The following FAT4 variants were observed in gnomAD, a reference collection of about 807,000 sequenced individuals.
The protein encoded by FAT4 is protocadherin Fat 4.
Under a neutral mutation model 303.9 loss-of-function variants are expected in FAT4, and 84 were observed. The observed-to-expected ratio is 0.28, with a 90% CI of 0.23 to 0.33. The LOEUF (loss-of-function observed/expected upper bound fraction) is 0.33, where lower values mean the gene tolerates loss of function less well. FAT4 is among the 10% of genes least tolerant of loss of function. The pLI, the probability that FAT4 is intolerant of heterozygous loss-of-function variation, is 1.00. For synonymous variants in FAT4, 2,307 were observed against 2,298.8 expected, an observed-to-expected ratio of 1.00 and a Z score of -0.10; for missense variants, 6,005 against 6,146.8, an observed-to-expected ratio of 0.98 and a Z score of 0.77.
intron 3 of FAT4, among the ~76,000 whole-genome samples, chr4:125,400,382 G>C (rs965398713): frequency 2.0e-5 from 3 of 151,942 alleles, no homozygotes; most frequent in African/African-American, 4.8e-5. Flanking sequence ...TTATTTCAGA[G>C]ATTCCAACAC....
At chr4:125,422,631 T>G (rs1724946256) in intron 7 of FAT4, among the ~76,000 whole-genome samples, 1 of 152,190 alleles carries the variant, frequency 6.6e-6, no homozygotes, top group Non-Finnish European at 1.5e-5. Flanking sequence ...GTGGGTCAAT[T>G]AAACCTCTTT....
rs897405265 is a variant in FAT4 at position 125,468,713 on chromosome 4, G to C, written c.12107G>C (p.Arg4036Thr). 6.8e-6 allele frequency: 11 copies of C among 1,613,974 alleles called. No homozygotes were observed. Among genetic ancestry groups the C allele is most frequent in the Non-Finnish European group, 9.3e-6 (11 of 1,180,002 alleles). The change falls in exon 12 of 18, where the codon AGA becomes ACA. Residue 4036 changes from arginine to threonine, a missense_variant. Coordinates refer to ENST00000394329, the MANE Select transcript of FAT4 (RefSeq NM_001291303.3). ...EFLALEIAEERLRFSYNLGSG... is the reference protein window; with the variant it reads ...EFLALEIAEETLRFSYNLGSG... ...TTGGCCCTTGAAATTGCCGAAGAAA[G>C]ACTAAGATTCTCTTATAATTTAGGC...
intron 2 of FAT4, among the ~76,000 whole-genome samples, chr4:125,366,966 A>T (rs899497621): frequency 6.6e-6 from 1 of 151,882 alleles, no homozygotes; most frequent in East Asian, 1.9e-4. Context: ...TTATGTGTAA[A>T]TGTGTTTAAG....
chr4:125,319,455 T>G lies in FAT4; in HGVS notation c.3044T>G (p.Phe1015Cys). The G allele has an allele frequency of 6.2e-7, 1 of 1,613,894 alleles. No homozygotes were observed. The highest frequency in any genetic ancestry group is 8.5e-7 in the Non-Finnish European group (1 of 1,179,800). The change falls in exon 2 of 18, where the codon TTC becomes TGC. Residue 1015 changes from phenylalanine (F) to cysteine (C), a missense_variant. Physicochemically the swap from Phe to Cys is radical, Grantham distance 205 (BLOSUM62 -2). Transcript: ENST00000394329. ...GAGTCAGAACCTGTGAATTCTCGAT[T>G]CTTTAAAGTACAAGCTTCTGATAAG... ...LSESEPVNSR[F>C]FKVQASDKDS... is the part of the protein sequence containing the mutation.
Position 125,412,047 on chromosome 4 carries a change from T to G in FAT4, c.5921-2837T>G, listed in dbSNP as rs568571887. On this transcript the variant is annotated intron_variant, in intron 5 of 17. Transcript: ENST00000394329. ...AATTGCAACACTTATGGCTAAAGCT[T>G]AGAATTCAAAACAATGTAAAAATAA... 2.0e-5 allele frequency among the ~76,000 whole-genome samples: 3 copies of G among 151,822 alleles called. No individual in the cohort carries two copies. In the South Asian group the frequency reaches 6.2e-4, roughly 31 times the overall value.
intron 2 of FAT4, among the ~76,000 whole-genome samples, chr4:125,394,717 G>T (rs2126009600): frequency 6.6e-6 from 1 of 152,184 alleles, no homozygotes; most frequent in African/African-American, 2.4e-5. Flanking sequence ...GTATAGTAAT[G>T]GTTGGTGTCA....
rs771762813 is a variant in FAT4 at position 125,479,828 on chromosome 4, T to C, written c.12567T>C (p.His4189=). 1 of 1,601,044 alleles carries C rather than the reference T, an allele frequency of 6.2e-7. No individual in the cohort carries two copies. ...ATTACTGGTCATGGCAGCAGTGTCA[T>C]TGCAAAGAGGGACTCACTGGGAAAT... ...CMDYWSWQQC[H]CKEGLTGKYC... Residue 4189 remains histidine, a synonymous_variant, in exon 15 of 18, where the codon CAT becomes CAC. Transcript: ENST00000394329.
At chr4:125,482,643 A>C (rs1727268755) in intron 16 of FAT4, among the ~76,000 whole-genome samples, 1 of 152,148 alleles carries the variant, frequency 6.6e-6, no homozygotes, top group Admixed American at 6.5e-5. Context: ...TTCCTGAATT[A>C]TTTTCATCTA....
At chr4:125,377,315 A>G (rs1255830850) in intron 2 of FAT4, among the ~76,000 whole-genome samples, 4 of 151,830 alleles carry the variant, frequency 2.6e-5, no homozygotes, top group African/African-American at 4.9e-5. Flanking sequence ...GCTTAAATAA[A>G]ATGAGCATTC....
At chr4:125,401,834 A>C (rs1027892082) in intron 3 of FAT4, among the ~76,000 whole-genome samples, 8 of 151,768 alleles carry the variant, frequency 5.3e-5, no homozygotes, top group African/African-American at 1.9e-4. Flanking sequence ...TCTAATATGC[A>C]TTTGAAATTT....
At chr4:125,379,268 G>A (rs1481425361) in intron 2 of FAT4, among the ~76,000 whole-genome samples, 2 of 150,212 alleles carry the variant, frequency 1.3e-5, no homozygotes, top group African/African-American at 2.4e-5. Context: ...TTTTAAAGTA[G>A]GAAGTACACT....
intron 16 of FAT4, among the ~76,000 whole-genome samples, chr4:125,482,325 T>A (rs1487583072): frequency 6.6e-6 from 1 of 152,182 alleles, no homozygotes. Flanking sequence ...TTAAAAATTA[T>A]GCTTCATGAG....
chr4:125,445,930 T>A (rs929316531), intron 8 of FAT4, among the ~76,000 whole-genome samples: 1 of 152,128 alleles, frequency 6.6e-6, no homozygotes, highest in Non-Finnish European at 1.5e-5. Context: ...TTAAAAGATA[T>A]TCATTTGTAA....
At chr4:125,375,724 A>G (rs1733290154) in intron 2 of FAT4, among the ~76,000 whole-genome samples, 1 of 152,228 alleles carries the variant, frequency 6.6e-6, no homozygotes, top group African/African-American at 2.4e-5. Flanking sequence ...ATTTTAAGGA[A>G]TTAATTTCTG....
chr4:125,478,043 T>C (rs186834222), intron 14 of FAT4, among the ~76,000 whole-genome samples: 95 of 152,290 alleles, frequency 6.2e-4, no homozygotes, highest in Middle Eastern at 3.4e-3. Context: ...TAACTGTTGC[T>C]ATACACTTTA....
chr4:125,347,474 C>A (rs2125974638), intron 2 of FAT4, among the ~76,000 whole-genome samples: 1 of 151,182 alleles, frequency 6.6e-6, no homozygotes, highest in East Asian at 1.9e-4. Context: ...GTTTATTGAC[C>A]TTTGAAGAGA....
rs1355988118 is a variant in FAT4, at chr4:125,318,391, G to A, written c.1980G>A (p.Leu660=). The change falls in exon 2 of 18, where the codon CTG becomes CTA. Residue 660 remains leucine, a synonymous_variant. Transcript: ENST00000394329. ...AAGCCTTCTACTCCCTGTTGGTTCT[G>A]GCCACAGATCTGGGCTCCCCTCCCC... is the stretch of plus-strand genomic sequence containing the variant. ...EEQAFYSLLV[L]ATDLGSPPQS... 5.2e-5 allele frequency: 84 copies of A among 1,614,030 alleles called. No individual in the cohort carries two copies. The highest frequency in any genetic ancestry group is 6.2e-5 in the Non-Finnish European group (73 of 1,180,032).
In FAT4 at chr4:125,320,376, T is replaced by C. The variant is rs950201755; in HGVS notation, c.3965T>C (p.Val1322Ala). 1.9e-6 allele frequency: 3 copies of C among 1,613,992 alleles called. No individual in the cohort carries two copies. Among genetic ancestry groups the C allele is most frequent in the African/African-American group, 1.3e-5 (1 of 74,930 alleles). ...TPSFPKSTLF[V>A]DVLENMRIGE... ...TCTTTCCCTAAATCAACACTCTTTG[T>C]TGATGTTTTGGAAAACATGAGAATT... is the stretch of plus-strand genomic sequence containing the variant. The change falls in exon 2 of 18, where the codon GTT becomes GCT. Residue 1322 changes from valine (V) to alanine (A), a missense_variant. Transcript: ENST00000394329.
chr4:125,351,828 T>G (rs1732236935), intron 2 of FAT4, among the ~76,000 whole-genome samples: 1 of 151,666 alleles, frequency 6.6e-6, no homozygotes, highest in East Asian at 1.9e-4. Flanking sequence ...GAAATACTCA[T>G]CCTAAGAAAG....
Sources: allele counts gnomAD v4.1 joint callset (sites outside exome capture counted in the v4.1 genomes callset), GRCh38; gene constraint gnomAD v4.1.1; transcripts MANE v1.5; gene names NCBI Gene and HGNC (gene_info 2026-07-23, HGNC 2026-07-21).